Variants in CATSPERB observed in about 807,000 individuals in gnomAD.
CATSPERB encodes the protein catsper channel auxiliary subunit beta, also known as cation channel sperm-associated auxiliary subunit beta.
CATSPERB carries 93 observed loss-of-function variants against 128.3 expected under a neutral mutation model. The observed-to-expected ratio is 0.72, with a 90% CI of 0.61 to 0.86. The LOEUF (loss-of-function observed/expected upper bound fraction) is 0.86, where lower values mean the gene tolerates loss of function less well. Ranked by LOEUF, CATSPERB falls within the 40% of genes least tolerant of loss-of-function variation. The pLI is 0.00. For synonymous variants in CATSPERB, 381 were observed against 448.8 expected, an observed-to-expected ratio of 0.85 and a Z score of 1.91; for missense variants, 1,153 against 1,329.5, an observed-to-expected ratio of 0.87 and a Z score of 2.06.
chr14:91,729,468 T>A lies in CATSPERB; in HGVS notation c.12A>T (p.Pro4=). The A allele has an allele frequency of 6.5e-7, 1 of 1,527,082 alleles. No homozygotes were observed. The highest frequency in any genetic ancestry group is 9.0e-7 in the Non-Finnish European group (1 of 1,111,388). The allele number at this position is 1,527,082 out of a possible 1,614,324, so 94.6% of individuals were successfully genotyped here. The change falls in exon 2 of 27, where the codon CCA becomes CCT. Residue 4 remains proline, a synonymous_variant. Coordinates refer to ENST00000256343, the MANE Select transcript of CATSPERB (RefSeq NM_024764.4). MES[P]LIYVSVLLLN... ...AAAGCAAAACTGAAACATATATAAG[T>A]GGCGATTCCATCTGTTGGAATAAAT...
At chr14:91,712,541 T>C (rs1416347893) in intron 5 of CATSPERB, among the ~76,000 whole-genome samples, 3 of 152,236 alleles carry the variant, frequency 2.0e-5, no homozygotes, top group South Asian at 2.1e-4. Flanking sequence ...CTTGCAGTTA[T>C]AAAACAATAA....
At chr14:91,721,050 T>A (rs1328585227) in intron 4 of CATSPERB, among the ~76,000 whole-genome samples, 2 of 152,138 alleles carry the variant, frequency 1.3e-5, no homozygotes, top group Non-Finnish European at 2.9e-5. Context: ...TAAGGACCCT[T>A]ATCTCACATC....
intron 22 of CATSPERB, among the ~76,000 whole-genome samples, chr14:91,604,204 A>T (rs1893658928): frequency 6.6e-6 from 1 of 152,096 alleles, no homozygotes. Context: ...GGAAGATCCA[A>T]CAGGAAAAAA....
chr14:91,592,087 T>C, intron 22 of CATSPERB, 85 bp from the exon 23 acceptor site: 1 of 855,074 alleles, frequency 1.2e-6, no homozygotes, highest in Non-Finnish European at 2.0e-6. Context: ...AAATATTTAT[T>C]CCCTGAAGAA....
intron 22 of CATSPERB, among the ~76,000 whole-genome samples, chr14:91,594,320 A>C (rs903365285): frequency 6.6e-5 from 10 of 151,170 alleles, no homozygotes; most frequent in South Asian, 2.1e-4. Context: ...CACACCAGGG[A>C]CTGTTGTGGG....
intron 14 of CATSPERB, among the ~76,000 whole-genome samples, chr14:91,665,113 G>A (rs201129201): frequency 2.0e-5 from 3 of 151,918 alleles, no homozygotes; most frequent in African/African-American, 4.8e-5. Context: ...AGCTCGTCGC[G>A]AACTCCTGAG....
In CATSPERB at chr14:91,683,904, A is replaced by G. The variant is rs1895328819; in HGVS notation, c.904T>C (p.Cys302Arg). 1.2e-6 allele frequency: 2 copies of G among 1,607,618 alleles called. No individual in the cohort carries two copies. The highest frequency in any genetic ancestry group is 1.7e-5 in the Admixed American group (1 of 58,824). Residue 302 changes from cysteine to arginine, a missense_variant, in exon 11 of 27, where the codon TGT (cysteine) becomes CGT (arginine). Cys to Arg is a radical substitution (Grantham distance 180). Coordinates refer to ENST00000256343, the MANE Select transcript of CATSPERB (RefSeq NM_024764.4). ...TCAAAGTGCTCTCTGTTAGCAAAAC[A>G]TCTTTCATTATACCACAGTTTTCCT... ...VKGKLWYNERCFANREHFEVD... is the reference protein window; with the variant it reads ...VKGKLWYNERRFANREHFEVD...
chr14:91,683,886 G>A lies in CATSPERB; in HGVS notation c.922C>T (p.His308Tyr). Residue 308 changes from histidine (H) to tyrosine (Y), a missense_variant, in exon 11 of 27, where the codon CAC becomes TAC. His to Tyr is a moderately conservative substitution (Grantham distance 83). Transcript: ENST00000256343. ...YNERCFANRE[H>Y]FEVDYVTVTF... ...TTTAACCAAAATTTACCTTCAAAGT[G>A]CTCTCTGTTAGCAAAACATCTTTCA... The A allele has an allele frequency of 6.2e-7, 1 of 1,602,616 alleles. No homozygotes were observed.
At chr14:91,619,111 C>T (rs913356620) in intron 19 of CATSPERB, among the ~76,000 whole-genome samples, 7 of 152,004 alleles carry the variant, frequency 4.6e-5, no homozygotes, top group African/African-American at 7.2e-5. Context: ...TAGAACATTG[C>T]GGTGTTGGTG....
At position 91,638,139 on chromosome 14, in the gene CATSPERB, A is replaced by T. The variant is rs556086736; in HGVS notation, c.1587+957T>A. ...ATTCATCTTTTGTTCCTTTTCCTTT[A>T]AGTCAAAGGGCAGGTTTTACTAACC... On this transcript the variant is annotated intron_variant, in intron 16 of 26. Transcript: ENST00000256343. Among the ~76,000 whole-genome samples, 184 of 152,240 alleles carry T rather than the reference A, an allele frequency of 1.2e-3. 2 individuals carry two copies. The highest frequency in any genetic ancestry group is 3.9e-3 in the African/African-American group (164 of 41,534).
intron 26 of CATSPERB, among the ~76,000 whole-genome samples, chr14:91,585,973 G>A (rs1173776238): frequency 6.6e-6 from 1 of 152,158 alleles, no homozygotes; most frequent in East Asian, 1.9e-4. Flanking sequence ...CTTCTGTGTG[G>A]GTGGTGGTTT....
chr14:91,664,870 C>T (rs550174660), intron 14 of CATSPERB, among the ~76,000 whole-genome samples: 3 of 152,232 alleles, frequency 2.0e-5, no homozygotes, highest in African/African-American at 7.2e-5. Context: ...TTATTGTCCA[C>T]AATCAAAACA....
At chr14:91,699,344 C>T (rs1375972422) in intron 7 of CATSPERB, among the ~76,000 whole-genome samples, 3 of 150,914 alleles carry the variant, frequency 2.0e-5, no homozygotes, top group African/African-American at 7.4e-5. Context: ...ATTCCCTTTC[C>T]CCCACATCCA....
chr14:91,616,187 C>T (rs982795952), intron 20 of CATSPERB, among the ~76,000 whole-genome samples: 2 of 152,088 alleles, frequency 1.3e-5, no homozygotes, highest in African/African-American at 4.8e-5. Flanking sequence ...GGCTGTATAC[C>T]GTTTTCCATA....
chr14:91,699,903 TTTTA>T (rs531126350), intron 7 of CATSPERB, among the ~76,000 whole-genome samples: 108 of 151,890 alleles, frequency 7.1e-4, no homozygotes, highest in South Asian at 2.3e-3. Flanking sequence ...TACTTTTTAA[TTTTA>T]TTTATTTATT....
chr14:91,585,012 T>C (rs1893273111), intron 26 of CATSPERB, among the ~76,000 whole-genome samples: 2 of 116,140 alleles, frequency 1.7e-5, no homozygotes, highest in Non-Finnish European at 2.1e-5. Context: ...TTCTTCTTTT[T>C]ATTTTTATTT....
chr14:91,725,185 A>T lies in CATSPERB; in HGVS notation c.80-17T>A, dbSNP rs1243094030. On this transcript the variant is annotated splice_polypyrimidine_tract_variant and intron_variant, in intron 2 of 26. Coordinates refer to ENST00000256343, the MANE Select transcript of CATSPERB (RefSeq NM_024764.4). Reference sequence around the variant, plus strand: ...CTGTATCATCTAAATAATAAAAAAAATACATATATTAGATCACTGATAGAA... The same window carrying T: ...CTGTATCATCTAAATAATAAAAAAATTACATATATTAGATCACTGATAGAA... 2 of 1,302,596 alleles carry T rather than the reference A, an allele frequency of 1.5e-6. No homozygotes were observed. Among genetic ancestry groups the T allele is most frequent in the Non-Finnish European group, 1.1e-6 (1 of 949,126 alleles). The allele number at this position is 1,302,596 out of a possible 1,614,324, so 80.7% of individuals were successfully genotyped here. A position where few individuals can be genotyped will look rare whatever the true frequency, so the allele number is the denominator to read the frequency against.
chr14:91,714,555 CTTTT>C (rs56965295), intron 5 of CATSPERB, among the ~76,000 whole-genome samples: 5 of 88,028 alleles, frequency 5.7e-5, no homozygotes, highest in Admixed American at 1.4e-4. Flanking sequence ...CCATAAACTA[CTTTT>C]TTTTTTTTTT....
chr14:91,613,742 G>C (rs1294124741), intron 20 of CATSPERB, among the ~76,000 whole-genome samples: 1 of 152,206 alleles, frequency 6.6e-6, no homozygotes, highest in East Asian at 1.9e-4. Flanking sequence ...AACTGTGGTA[G>C]GGACTCTATC....
Sources: gnomAD v4.1 joint callset for allele counts (sites outside exome capture counted in the v4.1 genomes callset) on GRCh38, gnomAD v4.1.1 for gene constraint, MANE v1.5 for transcripts, NCBI Gene and HGNC (gene_info 2026-07-23, HGNC 2026-07-21) for gene names.